SLIT3: variants seen among roughly 807,000 people sequenced by gnomAD.
SLIT3 encodes slit guidance ligand 3, also known as slit homolog 3 protein.
A neutral mutation model predicts 184.0 loss-of-function variants in SLIT3; 68 were observed. The ratio of observed to expected loss-of-function variants is 0.37; its 90% confidence interval spans 0.30 to 0.45. SLIT3 has a LOEUF of 0.45. SLIT3 is among the 20% of genes least tolerant of loss of function. SLIT3 has a pLI of 1.00. For missense variants in SLIT3, 1,707 were observed against 2,026.0 expected (o/e 0.84, Z 3.02); for synonymous variants, 831 against 828.6 (o/e 1.00, Z -0.05).
chr5:169,216,135 T>C (rs1448585001), intron 3 of SLIT3, among the ~76,000 whole-genome samples: 2 of 152,212 alleles, frequency 1.3e-5, no homozygotes, highest in Non-Finnish European at 2.9e-5. Flanking sequence ...GGCCTCCTTC[T>C]GCCAAAGTTG....
chr5:169,249,787 G>C (rs1199893038), intron 2 of SLIT3, among the ~76,000 whole-genome samples: 2 of 152,250 alleles, frequency 1.3e-5, no homozygotes, highest in Non-Finnish European at 1.5e-5. Context: ...CCAGTTACTT[G>C]ACAGATACAT....
chr5:169,199,393 A>G (rs1763846302), intron 3 of SLIT3, among the ~76,000 whole-genome samples: 1 of 152,154 alleles, frequency 6.6e-6, no homozygotes, highest in African/African-American at 2.4e-5. Context: ...AGGTGGGGTA[A>G]CTGATCAGTC....
At chr5:168,675,290 G>A (rs1761372401) in intron 32 of SLIT3, among the ~76,000 whole-genome samples, 1 of 152,108 alleles carries the variant, frequency 6.6e-6, no homozygotes, top group African/African-American at 2.4e-5. Context: ...CCCAGCAGGG[G>A]GTGGCACTGA....
intron 4 of SLIT3, among the ~76,000 whole-genome samples, chr5:169,084,086 T>C (rs1481235845): frequency 6.6e-6 from 1 of 152,134 alleles, no homozygotes; most frequent in Non-Finnish European, 1.5e-5. Context: ...ATTTCTGGAA[T>C]CCTCAACTCT....
chr5:168,715,525 G>A (rs1762696294), intron 23 of SLIT3, among the ~76,000 whole-genome samples: 1 of 152,218 alleles, frequency 6.6e-6, no homozygotes, highest in Non-Finnish European at 1.5e-5. Context: ...GATGAGGGCA[G>A]AAGCAGTTTA....
intron 4 of SLIT3, among the ~76,000 whole-genome samples, chr5:169,015,969 CACACACACACACACACAA>C (rs567445834): frequency 0.033 from 4,562 of 136,506 alleles, 108 homozygotes; most frequent in Middle Eastern, 0.071. Flanking sequence ...CACACACACA[CACACACACACACACACAA>C]CTTTCTGTCT....
chr5:168,963,469 A>G (rs10072826), intron 4 of SLIT3, among the ~76,000 whole-genome samples: 3,529 of 152,268 alleles, frequency 0.023, 150 homozygotes, highest in African/African-American at 0.081. Flanking sequence ...ACTGTGCCTA[A>G]CCTCATGCTC....
At chr5:168,698,114 A>G (rs1762113194) in intron 27 of SLIT3, among the ~76,000 whole-genome samples, 1 of 152,212 alleles carries the variant, frequency 6.6e-6, no homozygotes, top group African/African-American at 2.4e-5. Flanking sequence ...CTGCTCTGCC[A>G]ACCTTTGCTG....
chr5:168,788,623 C>T (rs1756245406), intron 11 of SLIT3, among the ~76,000 whole-genome samples: 1 of 150,036 alleles, frequency 6.7e-6, no homozygotes, highest in South Asian at 2.1e-4. Context: ...TAACTCTGTG[C>T]CAAACACAGT....
At chr5:168,963,095 A>G (rs1413340277) in intron 4 of SLIT3, among the ~76,000 whole-genome samples, 1 of 152,210 alleles carries the variant, frequency 6.6e-6, no homozygotes, top group Non-Finnish European at 1.5e-5. Context: ...TTGGCGAACT[A>G]TGGCCTACGG....
At chr5:169,212,862 G>A (rs59008797) in intron 3 of SLIT3, among the ~76,000 whole-genome samples, 46,441 of 151,926 alleles carry the variant, frequency 0.31, 8,067 homozygotes, top group East Asian at 0.69. Flanking sequence ...TTCTGCATAT[G>A]GCTAGCCAGT....
chr5:169,195,652 G>A (rs1456987477), intron 3 of SLIT3, among the ~76,000 whole-genome samples: 1 of 152,044 alleles, frequency 6.6e-6, no homozygotes, highest in African/African-American at 2.4e-5. Context: ...TCCGCCTACC[G>A]AGTAGCTGAG....
At chr5:169,042,355 T>A (rs977288074) in intron 4 of SLIT3, among the ~76,000 whole-genome samples, 1 of 152,188 alleles carries the variant, frequency 6.6e-6, no homozygotes. Flanking sequence ...CTGTTCTATA[T>A]AACAAAAAGT....
At chr5:168,887,500 TGTTA>T (rs1444959163) in intron 4 of SLIT3, among the ~76,000 whole-genome samples, 4 of 152,230 alleles carry the variant, frequency 2.6e-5, no homozygotes, top group Non-Finnish European at 4.4e-5. Context: ...ACAGTGGGGT[TGTTA>T]GTTTTACTAA....
intron 3 of SLIT3, among the ~76,000 whole-genome samples, chr5:169,194,233 C>CAAAAAAAAA (rs10571842): frequency 1.3e-3 from 82 of 61,398 alleles, no homozygotes; most frequent in South Asian, 2.0e-3. Flanking sequence ...GACTCTGTCT[C>CAAAAAAAAA]AAAAAAAAAA....
chr5:168,686,888 G>A (rs1446863939), intron 30 of SLIT3, 91 bp downstream of exon 30: 2 of 1,510,432 alleles, frequency 1.3e-6, no homozygotes, highest in Admixed American at 3.5e-5. Flanking sequence ...ACCTGGGCCT[G>A]AGTCTCCATT....
At chr5:169,232,849 A>G (rs1415429871) in intron 3 of SLIT3, among the ~76,000 whole-genome samples, 1 of 152,206 alleles carries the variant, frequency 6.6e-6, no homozygotes, top group African/African-American at 2.4e-5. Context: ...CCCTGAATCC[A>G]TCCATCAATT....
intron 27 of SLIT3, among the ~76,000 whole-genome samples, chr5:168,698,209 G>A (rs898240948): frequency 1.1e-4 from 17 of 152,202 alleles, no homozygotes; most frequent in Admixed American, 6.5e-5. Flanking sequence ...CCTGTTATGG[G>A]TTGAATTGTG....
rs774350079 is a variant in SLIT3 at position 168,666,566 on chromosome 5, C to T, written c.4460G>A (p.Cys1487Tyr). The T allele has an allele frequency of 6.2e-7, 1 of 1,614,098 alleles. No homozygotes were observed. The highest frequency in any genetic ancestry group is 1.1e-5 in the South Asian group (1 of 91,082). The stretch of plus-strand genomic sequence containing the variant: ...CCGCCGCTTGCTGCGGGTGGGCTGG[C>T]AGCACTGGGGCCCACAGCCCCCACG... ...ECRGGCGPQC[C>Y]QPTRSKRRKY... The change falls in exon 36 of 36, where the codon TGC (cysteine) becomes TAC (tyrosine). Residue 1487 changes from cysteine (C) to tyrosine (Y), a missense_variant. Cys to Tyr is a radical substitution (Grantham distance 194). Around this residue, in one of 3 missense-constraint regions of SLIT3, gnomAD observed 387 missense variants for 477.9 expected, o/e 0.81. Coordinates refer to ENST00000519560, the MANE Select transcript of SLIT3 (RefSeq NM_003062.4).
Sources: allele counts gnomAD v4.1 joint callset (sites outside exome capture counted in the v4.1 genomes callset), GRCh38; gene constraint gnomAD v4.1.1; regional missense constraint gnomAD v4.1.1; transcripts MANE v1.5; gene names NCBI Gene and HGNC (gene_info 2026-07-23, HGNC 2026-07-21).